The following SEMA6D variants were observed in gnomAD, a reference collection of about 807,000 sequenced individuals.
The protein encoded by SEMA6D is semaphorin-6D.
In SEMA6D, 35 loss-of-function variants were observed where a neutral mutation model predicts 106.6. That is an observed-to-expected ratio of 0.33 (90% confidence interval 0.25 to 0.44). SEMA6D has a LOEUF of 0.44. Ranked by LOEUF, SEMA6D falls within the 20% of genes least tolerant of loss-of-function variation. SEMA6D has a pLI of 1.00. For missense variants in SEMA6D, 1,185 were observed against 1,345.9 expected (o/e 0.88, Z 1.87); for synonymous variants, 499 against 487.7 (o/e 1.02, Z -0.31).
chr15:47,461,222 T>A (rs190494658), intron 2 of SEMA6D, among the ~76,000 whole-genome samples: 1 of 152,150 alleles, frequency 6.6e-6, no homozygotes, highest in East Asian at 1.9e-4. Flanking sequence ...AATAATGGCA[T>A]CCCCACCTGC....
chr15:47,385,640 A>G (rs1176363658), intron 1 of SEMA6D, among the ~76,000 whole-genome samples: 1 of 152,122 alleles, frequency 6.6e-6, no homozygotes, highest in African/African-American at 2.4e-5. Flanking sequence ...CTCCCCCAAG[A>G]AAAAGACTCA....
At chr15:47,236,740 A>T (rs192182982) in intron 1 of SEMA6D, among the ~76,000 whole-genome samples, 1 of 152,278 alleles carries the variant, frequency 6.6e-6, no homozygotes, top group Non-Finnish European at 1.5e-5. Flanking sequence ...GAATAAGAAA[A>T]AGCTGAGGAA....
At chr15:47,411,371 G>C (rs928115773) in intron 1 of SEMA6D, among the ~76,000 whole-genome samples, 2 of 151,960 alleles carry the variant, frequency 1.3e-5, no homozygotes, top group Non-Finnish European at 2.9e-5. Flanking sequence ...CTGGGATTGA[G>C]TTCTTGTTTT....
chr15:47,745,715 C>T (rs1164562163), intron 1 of SEMA6D, among the ~76,000 whole-genome samples: 2 of 152,306 alleles, frequency 1.3e-5, no homozygotes, highest in African/African-American at 2.4e-5. Flanking sequence ...CTGGGCGCTC[C>T]CTGAGCTTTG....
At chr15:47,603,199 A>C (rs991333641) in intron 4 of SEMA6D, among the ~76,000 whole-genome samples, 8 of 152,080 alleles carry the variant, frequency 5.3e-5, no homozygotes, top group African/African-American at 1.9e-4. Context: ...TCTGATGTCA[A>C]TGGCTCCCTT....
At chr15:47,253,894 C>T (rs1415246440) in intron 1 of SEMA6D, among the ~76,000 whole-genome samples, 5 of 152,096 alleles carry the variant, frequency 3.3e-5, no homozygotes, top group African/African-American at 7.2e-5. Flanking sequence ...TAAAGAACGT[C>T]GTTGATACTT....
At chr15:47,412,059 C>G (rs1196927646) in intron 1 of SEMA6D, among the ~76,000 whole-genome samples, 1 of 152,062 alleles carries the variant, frequency 6.6e-6, no homozygotes. Context: ...GGGTTGGTTA[C>G]TTTTTTCCCC....
intron 3 of SEMA6D, among the ~76,000 whole-genome samples, chr15:47,560,283 C>A: frequency 6.6e-6 from 1 of 151,768 alleles, no homozygotes; most frequent in East Asian, 1.9e-4. Flanking sequence ...TAATAAGTTC[C>A]ATAAACTAAA....
At chr15:47,464,812 G>T (rs1055288339) in intron 2 of SEMA6D, among the ~76,000 whole-genome samples, 14 of 152,110 alleles carry the variant, frequency 9.2e-5, no homozygotes, top group Non-Finnish European at 1.5e-5. Context: ...AGTTAGGTCA[G>T]AACACAAATC....
At chr15:47,552,807 A>T (rs28664996) in intron 3 of SEMA6D, among the ~76,000 whole-genome samples, 58 of 13,032 alleles carry the variant, frequency 4.5e-3, no homozygotes, top group African/African-American at 0.014. Flanking sequence ...TATATATAAA[A>T]ATATATATAA....
intron 1 of SEMA6D, among the ~76,000 whole-genome samples, chr15:47,752,112 G>A (rs1223269244): frequency 6.6e-6 from 1 of 152,132 alleles, no homozygotes; most frequent in African/African-American, 2.4e-5. Context: ...TAAAAGATTT[G>A]GGCTCCATCC....
At chr15:47,563,461 T>TA (rs1453369363) in intron 3 of SEMA6D, among the ~76,000 whole-genome samples, 4 of 152,172 alleles carry the variant, frequency 2.6e-5, no homozygotes, top group Admixed American at 6.5e-5. Context: ...ATGGCTCCTC[T>TA]ACAAGGAACA....
chr15:47,608,790 T>C (rs774141124), intron 4 of SEMA6D, among the ~76,000 whole-genome samples: 64 of 152,324 alleles, frequency 4.2e-4, no homozygotes, highest in Non-Finnish European at 7.5e-4. Context: ...CAGCACCTTG[T>C]TTCTGGTACA....
intron 4 of SEMA6D, among the ~76,000 whole-genome samples, chr15:47,606,868 T>G (rs1268862355): frequency 6.6e-6 from 1 of 152,190 alleles, no homozygotes. Flanking sequence ...GGGCTATGTG[T>G]CCCATTCAGA....
intron 1 of SEMA6D, among the ~76,000 whole-genome samples, chr15:47,339,811 A>G (rs1409443635): frequency 6.6e-6 from 1 of 152,106 alleles, no homozygotes; most frequent in Non-Finnish European, 1.5e-5. Context: ...GTGAGCTATC[A>G]TGCCAATGAA....
intron 4 of SEMA6D, chr15:47,606,431 G>A (rs1319077802): frequency 6.6e-6 from 1 of 152,154 alleles, no homozygotes; most frequent in Non-Finnish European, 1.5e-5. Flanking sequence ...TCTGTGCCAG[G>A]CACTATGGAC....
chr15:47,291,489 G>T (rs1531042), intron 1 of SEMA6D, among the ~76,000 whole-genome samples: 2,772 of 152,244 alleles, frequency 0.018, 52 homozygotes, highest in African/African-American at 0.024. Context: ...GGAGCCTTTA[G>T]GAAGCCCATG....
chr15:47,686,365 G>A (rs1186757141), intron 4 of SEMA6D, among the ~76,000 whole-genome samples: 4 of 152,062 alleles, frequency 2.6e-5, no homozygotes, highest in African/African-American at 9.7e-5. Context: ...AGTCCTACAC[G>A]TGAAGACTTA....
chr15:47,312,250 C>G (rs964153545), intron 1 of SEMA6D, among the ~76,000 whole-genome samples: 1 of 151,680 alleles, frequency 6.6e-6, no homozygotes, highest in South Asian at 2.1e-4. Context: ...TAGTCTCTTC[C>G]TGTCTCCATC....
Sources: gnomAD v4.1 joint callset for allele counts (sites outside exome capture counted in the v4.1 genomes callset) on GRCh38, gnomAD v4.1.1 for gene constraint, MANE v1.5 for transcripts, NCBI Gene and HGNC (gene_info 2026-07-23, HGNC 2026-07-21) for gene names.